The following VOPP1 variants were observed in gnomAD, a reference collection of about 807,000 sequenced individuals.
The protein encoded by VOPP1 is VOPP1 WW domain binding protein.
Under a neutral mutation model 23.5 loss-of-function variants are expected in VOPP1, and 8 were observed. The ratio of observed to expected loss-of-function variants is 0.34; its 90% CI spans 0.20 to 0.61. The LOEUF (loss-of-function observed/expected upper bound fraction) is 0.61, where lower values mean the gene tolerates loss of function less well. Ranked by LOEUF, VOPP1 falls within the 20% of genes least tolerant of loss-of-function variation. The pLI, the probability that VOPP1 is intolerant of heterozygous loss-of-function variation, is 0.78. For missense variants in VOPP1, 174 were observed against 238.1 expected (o/e 0.73, Z 1.77); for synonymous variants, 83 against 97.3 (o/e 0.85, Z 0.86).
At chr7:55,492,089 G>A (rs1303933811) in intron 4 of VOPP1, among the ~76,000 whole-genome samples, 193 bp downstream of exon 4, 1 of 152,216 alleles carries the variant, frequency 6.6e-6, no homozygotes, top group Non-Finnish European at 1.5e-5. Context: ...AATATGAGGT[G>A]ACGGGCGTGC....
chr7:55,475,535 G>A (rs1030900297), intron 4 of VOPP1, among the ~76,000 whole-genome samples: 1 of 152,186 alleles, frequency 6.6e-6, no homozygotes, highest in Non-Finnish European at 1.5e-5. Flanking sequence ...AGCCAAAATA[G>A]TGACAAGGAG....
downstream of VOPP1, among the ~76,000 whole-genome samples, chr7:55,435,870 T>C (rs766255761): frequency 1.3e-5 from 2 of 152,148 alleles, no homozygotes; most frequent in Non-Finnish European, 2.9e-5. Context: ...GTGAGTGGAA[T>C]GATGAAAAAC....
chr7:55,468,674 C>T (rs1406409146), downstream of VOPP1, among the ~76,000 whole-genome samples: 5 of 152,214 alleles, frequency 3.3e-5, no homozygotes, highest in Non-Finnish European at 2.9e-5. Context: ...TGGGCGGGGC[C>T]GCGTCAGCTG....
At chr7:55,526,907 C>G (rs1336802768) in intron 1 of VOPP1, 1 of 152,254 alleles carries the variant, frequency 6.6e-6, no homozygotes, top group African/African-American at 2.4e-5. Context: ...GTGCCTCACA[C>G]TGCTTCTGCA....
chr7:55,474,443 A>C (rs1792081607), intron 4 of VOPP1, among the ~76,000 whole-genome samples: 1 of 152,248 alleles, frequency 6.6e-6, no homozygotes, highest in African/African-American at 2.4e-5. Flanking sequence ...ATATTAGAGA[A>C]AAAATGGAGA....
chr7:55,524,969 G>A (rs1796082224), intron 1 of VOPP1, among the ~76,000 whole-genome samples: 1 of 152,144 alleles, frequency 6.6e-6, no homozygotes, highest in Admixed American at 6.5e-5. Context: ...GATCTTCAGA[G>A]TACTCCCAAT....
chr7:55,480,077 G>C (rs1338527242), intron 4 of VOPP1, among the ~76,000 whole-genome samples: 1 of 152,168 alleles, frequency 6.6e-6, no homozygotes. Context: ...TCCTAAATAT[G>C]ATTCGATATA....
downstream of VOPP1, among the ~76,000 whole-genome samples, chr7:55,468,488 G>A (rs1046926293): frequency 3.3e-5 from 5 of 152,248 alleles, no homozygotes; most frequent in African/African-American, 9.6e-5. Flanking sequence ...CCTTCCCAGC[G>A]GAGGTGCAAC....
chr7:55,564,271 C>T (rs80314569), intron 1 of VOPP1, among the ~76,000 whole-genome samples: 88 of 150,776 alleles, frequency 5.8e-4, no homozygotes, highest in Admixed American at 1.8e-3. Context: ...CTCTCTCGCT[C>T]GCTTGCTCTC....
At chr7:55,488,173 C>T (rs562242134) in intron 4 of VOPP1, among the ~76,000 whole-genome samples, 1 of 152,332 alleles carries the variant, frequency 6.6e-6, no homozygotes, top group South Asian at 2.1e-4. Context: ...TCTTGGCTGA[C>T]ACTATATGCA....
intron 4 of VOPP1, among the ~76,000 whole-genome samples, chr7:55,436,889 C>T (rs1790844013): frequency 2.6e-5 from 4 of 152,158 alleles, no homozygotes; most frequent in South Asian, 4.1e-4. Flanking sequence ...TCTGTGGCCC[C>T]CTCCACCCTC....
chr7:55,482,786 A>G (rs1328097623), intron 4 of VOPP1, among the ~76,000 whole-genome samples: 1 of 152,222 alleles, frequency 6.6e-6, no homozygotes, highest in Non-Finnish European at 1.5e-5. Flanking sequence ...AATGTCCCAC[A>G]AGAAAAGGCA....
At chr7:55,497,884 G>A (rs550516559) in intron 2 of VOPP1, among the ~76,000 whole-genome samples, 194 bp from the exon 3 acceptor site, 7 of 152,358 alleles carry the variant, frequency 4.6e-5, no homozygotes, top group African/African-American at 1.7e-4. Context: ...CCCAAAGCAA[G>A]GTGCTGAGGT....
chr7:55,474,233 GCT>G, intron 4 of VOPP1, among the ~76,000 whole-genome samples: 1 of 152,354 alleles, frequency 6.6e-6, no homozygotes, highest in South Asian at 2.1e-4. Context: ...CACCTGCGCT[GCT>G]CTGATGCATC....
chr7:55,518,538 CA>C (rs1163554489), intron 2 of VOPP1, among the ~76,000 whole-genome samples: 7 of 152,154 alleles, frequency 4.6e-5, no homozygotes, highest in Non-Finnish European at 1.0e-4. Context: ...AGGGGAGGAA[CA>C]AACTTTTATG....
At chr7:55,516,546 G>A (rs960105460) in intron 2 of VOPP1, among the ~76,000 whole-genome samples, 37 of 152,306 alleles carry the variant, frequency 2.4e-4, no homozygotes, top group African/African-American at 8.7e-4. Context: ...CTGGCACGCT[G>A]AAATGAAATG....
At chr7:55,490,149 T>C (rs1205154212) in intron 4 of VOPP1, among the ~76,000 whole-genome samples, 1 of 152,030 alleles carries the variant, frequency 6.6e-6, no homozygotes, top group African/African-American at 2.4e-5. Flanking sequence ...GCAGAGACCC[T>C]GCCGCAGAAA....
At position 55,497,565 on chromosome 7, in the gene VOPP1, G is replaced by A. The variant is rs59713326; in HGVS notation, c.191+48C>T. ...TGTGACAACACTGATGGGGGGGGGG[G>A]GGGGGCAGAGCTCTCGGGGTAGGGA... On this transcript the variant is annotated intron_variant, in intron 3 of 4. Coordinates refer to ENST00000285279, the MANE Select transcript of VOPP1 (RefSeq NM_030796.5). 24 of 1,421,032 alleles carry A rather than the reference G, an allele frequency of 1.7e-5. 1 individual carries two copies. The East Asian group carries it at 1.7e-4, about 10-fold the overall frequency. 88.0% of individuals were successfully genotyped at this position (1,421,032 alleles called of 1,614,324 possible).
At chr7:55,525,265 T>G (rs1796106336) in intron 1 of VOPP1, among the ~76,000 whole-genome samples, 2 of 151,762 alleles carry the variant, frequency 1.3e-5, no homozygotes, top group South Asian at 2.1e-4. Context: ...CCGAGGTGGG[T>G]GGATCACGAG....
Sources: allele counts gnomAD v4.1 joint callset (sites outside exome capture counted in the v4.1 genomes callset), GRCh38; gene constraint gnomAD v4.1.1; transcripts MANE v1.5; gene names NCBI Gene and HGNC (gene_info 2026-07-23, HGNC 2026-07-21).